The following RIOK2 variants were observed in gnomAD, a reference collection of about 807,000 sequenced individuals.
RIOK2 encodes serine/threonine-protein kinase RIO2.
Under a neutral mutation model 62.4 loss-of-function variants are expected in RIOK2, and 46 were observed. The observed-to-expected ratio is 0.74, with a 90% CI of 0.58 to 0.94. The LOEUF (loss-of-function observed/expected upper bound fraction) is 0.94. Among genes scored for constraint, RIOK2 ranks in the 40% least tolerant of loss-of-function variants. The probability of loss-of-function intolerance (pLI) is 0.00; values close to 1 mark genes in which losing one functional copy is unlikely to be tolerated. For synonymous variants in RIOK2, 197 were observed against 216.0 expected, an observed-to-expected ratio of 0.91 and a Z score of 0.77; for missense variants, 574 against 658.0, an observed-to-expected ratio of 0.87 and a Z score of 1.40.
chr5:97,180,142 G>GTATATATGTGTATATATA (rs1554083620), intron 1 of RIOK2, among the ~76,000 whole-genome samples: 4 of 96,072 alleles, frequency 4.2e-5, no homozygotes, highest in African/African-American at 1.6e-4. Flanking sequence ...ATATATATAT[G>GTATATATGTGTATATATA]TATATATATA....
chr5:97,179,596 A>G (rs538478302), intron 1 of RIOK2, among the ~76,000 whole-genome samples: 115 of 152,166 alleles, frequency 7.6e-4, no homozygotes, highest in African/African-American at 2.7e-3. Flanking sequence ...GATAAAGAAA[A>G]TGTGGCACAT....
rs1280466039 is a variant in RIOK2, at chr5:97,177,802, A to C, written c.252T>G (p.Ala84=). Residue 84 remains alanine, a synonymous_variant, in exon 3 of 10, where the codon GCT becomes GCG. Transcript: ENST00000283109. ...CTTGCCTAGAAGAAAGTGTTTTCAA[A>C]GCTAGGTAATCATATCCTGCATTTG... ...RLTNAGYDYL[A]LKTLSSRQVV... 2 of 1,613,634 alleles carry C rather than the reference A, an allele frequency of 1.2e-6. No individual in the cohort carries two copies. The highest frequency in any genetic ancestry group is 3.3e-5 in the Admixed American group (2 of 59,958).
intron 9 of RIOK2, among the ~76,000 whole-genome samples, chr5:97,164,092 A>C (rs1748775097): frequency 2.6e-5 from 4 of 151,992 alleles, no homozygotes; most frequent in Admixed American, 2.6e-4. Flanking sequence ...GGGTCTTGCT[A>C]TGTTGCCCAG....
rs1748918072 is a variant in RIOK2, at chr5:97,168,861, G to GC, written c.780-10dup. 6.5e-7 allele frequency: 1 copy of GC among 1,528,818 alleles called. No individual in the cohort carries two copies. The highest frequency in any genetic ancestry group is 1.4e-5 in the African/African-American group (1 of 72,022). 94.7% of individuals were successfully genotyped at this position (1,528,818 alleles called of 1,614,324 possible). On this transcript the variant is annotated splice_polypyrimidine_tract_variant and intron_variant, in intron 6 of 9. Coordinates refer to ENST00000283109, the MANE Select transcript of RIOK2 (RefSeq NM_018343.3). ...CATCTCTGTCAAAATACCTGCAAAA[G>GC]CAAGAATCATTTATGATATAGTCTT... is the stretch of plus-strand genomic sequence containing the variant.
intron 8 of RIOK2, among the ~76,000 whole-genome samples, 198 bp from the exon 9 acceptor site, chr5:97,165,345 A>T (rs1748816606): frequency 6.6e-6 from 1 of 152,220 alleles, no homozygotes; most frequent in Admixed American, 6.5e-5. Context: ...TTCATTTTCC[A>T]GCATTTTGTT....
Position 97,165,092 on chromosome 5 carries a change from T to C in RIOK2, c.1453A>G (p.Thr485Ala). 1 of 1,587,190 alleles carries C rather than the reference T, an allele frequency of 6.3e-7. No individual in the cohort carries two copies. Among genetic ancestry groups the C allele is most frequent in the Non-Finnish European group, 8.6e-7 (1 of 1,167,198 alleles). ...NQYRTRTLSI[T>A]SSGSAVSCST... is the part of the protein sequence containing the mutation. ...CAGCTTACAGCACTGCCTGAAGAAG[T>C]GATACTCAGAGTTCTTGTTCTATAC... is the stretch of plus-strand genomic sequence containing the variant. The change falls in exon 9 of 10, where the codon ACT becomes GCT. Residue 485 changes from threonine to alanine, a missense_variant. Physicochemically the swap from Thr to Ala is moderately conservative, Grantham distance 58. Transcript: ENST00000283109.
At chr5:97,180,018 TATATATATA>T (rs1387539129) in intron 1 of RIOK2, among the ~76,000 whole-genome samples, 3 of 53,062 alleles carry the variant, frequency 5.7e-5, no homozygotes, top group African/African-American at 1.3e-4. Flanking sequence ...ATATATATAA[TATATATATA>T]ATATATATAT....
chr5:97,165,127 G>T lies in RIOK2; in HGVS notation c.1418C>A (p.Ala473Asp). The part of the protein sequence containing the change: ...RPFRDEENVG[A>D]MNQYRTRTLS... ...AGTTCTTGTTCTATACTGATTCATA[G>T]CTCCCACATTTTCTTCATCTCTAAA... Residue 473 changes from alanine (A) to aspartate (D), a missense_variant, in exon 9 of 10, where the codon GCT becomes GAT. By Grantham distance (126) the Ala-to-Asp change is moderately radical. Coordinates refer to ENST00000283109, the MANE Select transcript of RIOK2 (RefSeq NM_018343.3). 1 of 1,464,346 alleles carries T rather than the reference G, an allele frequency of 6.8e-7. No individual in the cohort carries two copies. 90.7% of individuals were successfully genotyped at this position (1,464,346 alleles called of 1,614,324 possible). A position where few individuals can be genotyped will look rare whatever the true frequency, so the allele number is the denominator to read the frequency against.
intron 7 of RIOK2, among the ~76,000 whole-genome samples, chr5:97,168,355 T>G (rs1297517084): frequency 6.6e-6 from 1 of 152,170 alleles, no homozygotes; most frequent in African/African-American, 2.4e-5. Context: ...AAAATAAATA[T>G]GAGAAAACTG....
rs761693336 is a variant in RIOK2, at chr5:97,165,032, A to C, written c.1494+19T>G. The C allele has an allele frequency of 2.7e-6, 4 of 1,488,872 alleles. No individual in the cohort carries two copies. Among genetic ancestry groups the C allele is most frequent in the African/African-American group, 1.4e-5 (1 of 72,176 alleles). The allele number at this position is 1,488,872 out of a possible 1,614,324, so 92.2% of individuals were successfully genotyped here. ...TAGTGATGTAATAAACATTCAGTAC[A>C]TGTTGAATGACTACTTACTGGAGGA... On this transcript the variant is annotated intron_variant, in intron 9 of 9. Coordinates refer to ENST00000283109, the MANE Select transcript of RIOK2 (RefSeq NM_018343.3).
intron 6 of RIOK2, among the ~76,000 whole-genome samples, chr5:97,169,532 G>T (rs1465048547): frequency 6.6e-6 from 1 of 152,142 alleles, no homozygotes; most frequent in African/African-American, 2.4e-5. Context: ...AGACAAGGGA[G>T]AATTAAGGAC....
At position 97,161,779 on chromosome 5, in the gene RIOK2, A is replaced by G. The variant is rs937909242; in HGVS notation, c.*1282T>C. On this transcript the variant is annotated 3_prime_UTR_variant, in exon 10 of 10. Transcript: ENST00000283109. ...ATAAGAAAATGACTCCAAAATAAACATTCTGTGGTTCTATTAAGCTGTTTT... is the reference window on the plus strand; with the variant it reads ...ATAAGAAAATGACTCCAAAATAAACGTTCTGTGGTTCTATTAAGCTGTTTT... 4 of 152,224 alleles carry G rather than the reference A, an allele frequency of 2.6e-5. No individual in the cohort carries two copies. Among genetic ancestry groups the G allele is most frequent in the African/African-American group, 9.6e-5 (4 of 41,462 alleles). The allele number at this position is 152,224 out of a possible 1,614,324, so 9.4% of individuals were successfully genotyped here.
intron 8 of RIOK2, chr5:97,166,941 G>A: frequency 2.2e-6 from 2 of 926,398 alleles, no homozygotes; most frequent in Non-Finnish European, 2.6e-6. Flanking sequence ...TTGAGACGGA[G>A]TTTTTTGCTC....
chr5:97,177,081 C>A (rs1749187241), intron 4 of RIOK2, 35 bp downstream of exon 4: 1 of 1,578,126 alleles, frequency 6.3e-7, no homozygotes, highest in African/African-American at 1.4e-5. Flanking sequence ...TATTATTTGG[C>A]TAAAAAATGC....
At chr5:97,167,223 T>A in intron 8 of RIOK2, 1 of 1,382,870 alleles carries the variant, frequency 7.2e-7, no homozygotes, top group Non-Finnish European at 9.3e-7. Context: ...TGCCCAGCCA[T>A]CAGTTTGTAT....
At chr5:97,171,654 ATT>A (rs1356355341) in intron 5 of RIOK2, among the ~76,000 whole-genome samples, 1 of 152,054 alleles carries the variant, frequency 6.6e-6, no homozygotes, top group African/African-American at 2.4e-5. Flanking sequence ...TGCTTTTCCA[ATT>A]TGTTTCCTCC....
chr5:97,174,080 T>C (rs1405714933), intron 4 of RIOK2, among the ~76,000 whole-genome samples: 1 of 152,224 alleles, frequency 6.6e-6, no homozygotes, highest in Non-Finnish European at 1.5e-5. Flanking sequence ...CTATTCTATG[T>C]ACCAATACCA....
intron 4 of RIOK2, among the ~76,000 whole-genome samples, chr5:97,174,285 T>C (rs995905454): frequency 2.0e-5 from 3 of 152,168 alleles, no homozygotes; most frequent in African/African-American, 7.2e-5. Flanking sequence ...CCAGGCGTGG[T>C]GGCACATGCC....
intron 4 of RIOK2, chr5:97,175,833 T>C (rs1749148748): frequency 6.6e-6 from 1 of 152,252 alleles, no homozygotes; most frequent in South Asian, 2.1e-4. Flanking sequence ...ATATTATCTT[T>C]TGTTTAACTT....
Sources: allele counts gnomAD v4.1 joint callset (sites outside exome capture counted in the v4.1 genomes callset), GRCh38; gene constraint gnomAD v4.1.1; transcripts MANE v1.5; gene names NCBI Gene and HGNC (gene_info 2026-07-23, HGNC 2026-07-21).